Variants in LRRC8B observed in about 807,000 individuals in gnomAD.
LRRC8B encodes the protein leucine rich repeat containing 8 VRAC subunit B.
In LRRC8B, 23 loss-of-function variants were observed where a neutral mutation model predicts 58.8. That is an observed-to-expected ratio of 0.39 (90% CI 0.28 to 0.55). The LOEUF (loss-of-function observed/expected upper bound fraction) is 0.55, where lower values mean the gene tolerates loss of function less well. Ranked by LOEUF, LRRC8B falls within the 20% of genes least tolerant of loss-of-function variation. The pLI is 0.62. For missense variants in LRRC8B, 694 were observed against 936.0 expected, an observed-to-expected ratio of 0.74 and a Z score of 3.37; for synonymous variants, 359 against 374.1, an observed-to-expected ratio of 0.96 and a Z score of 0.47.
chr1:89,569,762 G>T (rs1393980458), intron 3 of LRRC8B, among the ~76,000 whole-genome samples: 2 of 151,886 alleles, frequency 1.3e-5, no homozygotes, highest in Non-Finnish European at 2.9e-5. Context: ...TGCTACATAG[G>T]TATATTTGTG....
rs559783463 is a variant in LRRC8B at position 89,535,893 on chromosome 1, T to C, written c.-241+10871T>C. Among the ~76,000 whole-genome samples the C allele has an allele frequency of 5.3e-5, 8 of 149,754 alleles. No individual in the cohort carries two copies. The East Asian group carries it at 1.6e-3, about 29-fold the overall frequency. On this transcript the variant is annotated intron_variant, in intron 1 of 5. Coordinates refer to ENST00000330947, the MANE Select transcript of LRRC8B (RefSeq NM_001369817.2). ...GTTTGGTCCTAAGCTAGATTTGGGATTTTTTTTTTCTTTACAAATAAATGC... is the reference window on the plus strand; with the variant it reads ...GTTTGGTCCTAAGCTAGATTTGGGACTTTTTTTTTCTTTACAAATAAATGC...
At chr1:89,580,845 C>T (rs1002671584) in intron 4 of LRRC8B, among the ~76,000 whole-genome samples, 2 of 152,124 alleles carry the variant, frequency 1.3e-5, no homozygotes, top group Non-Finnish European at 2.9e-5. Flanking sequence ...AATGCCTTAA[C>T]AGGTACAAGA....
chr1:89,552,318 A>T (rs1175085769), intron 1 of LRRC8B, among the ~76,000 whole-genome samples: 1 of 152,118 alleles, frequency 6.6e-6, no homozygotes, highest in East Asian at 1.9e-4. Context: ...CTTCTCCCAC[A>T]CCCAATCTCC....
chr1:89,578,353 TA>T (rs1331914579), intron 3 of LRRC8B, among the ~76,000 whole-genome samples: 3 of 152,224 alleles, frequency 2.0e-5, no homozygotes, highest in South Asian at 4.1e-4. Flanking sequence ...CAGATGTCTT[TA>T]TCATGCTCAG....
intron 1 of LRRC8B, among the ~76,000 whole-genome samples, chr1:89,556,830 C>T (rs1289080551): frequency 2.6e-5 from 4 of 152,168 alleles, no homozygotes; most frequent in Non-Finnish European, 5.9e-5. Context: ...TAAGAGCTTG[C>T]TCTTTCAAAA....
At chr1:89,531,405 C>T (rs1434161692) in intron 1 of LRRC8B, among the ~76,000 whole-genome samples, 1 of 152,160 alleles carries the variant, frequency 6.6e-6, no homozygotes, top group African/African-American at 2.4e-5. Flanking sequence ...TGCTTATATA[C>T]CATCTTGAGG....
In LRRC8B at chr1:89,587,701, G is replaced by C. The variant is rs555787873; in HGVS notation, c.2139+2912G>C. ...ACTTGGGCAGCGTATCAGGTTTATA[G>C]ATGGAGTCAACAAATACTACCTCTT... On this transcript the variant is annotated intron_variant, in intron 5 of 5. Coordinates refer to ENST00000330947, the MANE Select transcript of LRRC8B (RefSeq NM_001369817.2). Among the ~76,000 whole-genome samples, 13 of 152,280 alleles carry C rather than the reference G, an allele frequency of 8.5e-5. No individual in the cohort carries two copies. The South Asian group carries it at 2.5e-3, about 29-fold the overall frequency.
In LRRC8B at chr1:89,597,635, T is replaced by C. The variant is rs1300115790; in HGVS notation, c.*4592T>C. The C allele has an allele frequency of 6.6e-6, 1 of 152,212 alleles. No homozygotes were observed. Among genetic ancestry groups the C allele is most frequent in the Non-Finnish European group, 1.5e-5 (1 of 68,030 alleles). 9.4% of individuals were successfully genotyped at this position (152,212 alleles called of 1,614,324 possible). A position where few individuals can be genotyped will look rare whatever the true frequency, so the allele number is the denominator to read the frequency against. On this transcript the variant is annotated 3_prime_UTR_variant, in exon 6 of 6. Coordinates refer to ENST00000330947, the MANE Select transcript of LRRC8B (RefSeq NM_001369817.2). The stretch of plus-strand genomic sequence containing the variant: ...TTGTTAACCTTCACATATTTATCTG[T>C]GTACAATTGTTTTTGCTTCTGGTAA...
chr1:89,564,694 C>A (rs1220853220), intron 1 of LRRC8B, among the ~76,000 whole-genome samples: 3 of 152,150 alleles, frequency 2.0e-5, no homozygotes, highest in Non-Finnish European at 4.4e-5. Flanking sequence ...AAGGCTGAGG[C>A]AGGAAGGCAT....
At chr1:89,588,909 T>C (rs1161592230) in intron 5 of LRRC8B, among the ~76,000 whole-genome samples, 3 of 152,132 alleles carry the variant, frequency 2.0e-5, no homozygotes, top group Admixed American at 1.3e-4. Context: ...TTTTAGATGG[T>C]TGGGGGAAGA....
intron 3 of LRRC8B, among the ~76,000 whole-genome samples, chr1:89,574,416 A>G (rs964483360): frequency 2.0e-5 from 3 of 152,212 alleles, no homozygotes; most frequent in Admixed American, 1.3e-4. Flanking sequence ...TTAGAATACT[A>G]TTGCTATTGG....
At chr1:89,527,937 G>A (rs1195928421) in intron 1 of LRRC8B, among the ~76,000 whole-genome samples, 2 of 152,160 alleles carry the variant, frequency 1.3e-5, no homozygotes, top group Admixed American at 1.3e-4. Flanking sequence ...TACTCCTTCA[G>A]TGCTGCTGTG....
chr1:89,577,206 T>TG (rs1653920734), intron 3 of LRRC8B, among the ~76,000 whole-genome samples: 1 of 152,198 alleles, frequency 6.6e-6, no homozygotes, highest in Admixed American at 6.5e-5. Context: ...CAGTATATAA[T>TG]GACACTAAAT....
rs146377422 is a variant in LRRC8B, at chr1:89,545,977, G to C, written c.-241+20955G>C. Among the ~76,000 whole-genome samples, 13 of 152,296 alleles carry C rather than the reference G, an allele frequency of 8.5e-5. No individual in the cohort carries two copies. In the East Asian group the frequency reaches 2.5e-3, roughly 29 times the overall value. ...ACCTGGCATGGGTGTGATATGAATTGATCATTGTTGGAGCTGGGTAAATGG... is the reference window on the plus strand; with the variant it reads ...ACCTGGCATGGGTGTGATATGAATTCATCATTGTTGGAGCTGGGTAAATGG... On this transcript the variant is annotated intron_variant, in intron 1 of 5. Coordinates refer to ENST00000330947, the MANE Select transcript of LRRC8B (RefSeq NM_001369817.2).
intron 1 of LRRC8B, among the ~76,000 whole-genome samples, chr1:89,547,712 A>G (rs1307426592): frequency 6.6e-6 from 1 of 152,180 alleles, no homozygotes; most frequent in African/African-American, 2.4e-5. Context: ...AATAAAATCA[A>G]GAAACCACCA....
chr1:89,556,958 C>G (rs1652238269), intron 1 of LRRC8B, among the ~76,000 whole-genome samples: 1 of 152,192 alleles, frequency 6.6e-6, no homozygotes, highest in South Asian at 2.1e-4. Flanking sequence ...TTTTAAAAAG[C>G]CTTCTCTGGG....
rs894636045 is a variant in LRRC8B at position 89,584,237 on chromosome 1, G to A, written c.1587G>A (p.Met529Ile). Residue 529 changes from methionine to isoleucine, a missense_variant, in exon 5 of 6, where the codon ATG (methionine) becomes ATA (isoleucine). By Grantham distance (10) the Met-to-Ile change is conservative (BLOSUM62 1). This residue lies in a region of LRRC8B where 162 missense variants were observed against 198.5 expected (regional missense o/e 0.82). Transcript: ENST00000330947. ...TTCTCCCTGAACAGTTGAGTACTAT[G>A]CAGTTGGAGGGCTTTCAGGACTTAA... ...GCVLPEQLST[M>I]QLEGFQDLKN... is the part of the protein sequence containing the mutation. The A allele has an allele frequency of 1.9e-6, 3 of 1,612,328 alleles. No homozygotes were observed. The highest frequency in any genetic ancestry group is 2.7e-5 in the African/African-American group (2 of 74,914).
At chr1:89,572,877 T>C (rs1490532628) in intron 3 of LRRC8B, among the ~76,000 whole-genome samples, 2 of 152,196 alleles carry the variant, frequency 1.3e-5, no homozygotes, top group Non-Finnish European at 2.9e-5. Context: ...TATGGTAGCT[T>C]ACTAAAAACT....
At chr1:89,535,176 GA>G (rs1290941782) in intron 1 of LRRC8B, among the ~76,000 whole-genome samples, 1 of 152,142 alleles carries the variant, frequency 6.6e-6, no homozygotes, top group Non-Finnish European at 1.5e-5. Flanking sequence ...AATTGAGTTA[GA>G]AGTAGATTCC....
Sources: gnomAD v4.1 joint callset for allele counts (sites outside exome capture counted in the v4.1 genomes callset) on GRCh38, gnomAD v4.1.1 for gene constraint, gnomAD v4.1.1 regional missense constraint, MANE v1.5 for transcripts, NCBI Gene and HGNC (gene_info 2026-07-23, HGNC 2026-07-21) for gene names.